Variants in OR2L3 observed in about 807,000 individuals in gnomAD.
The protein encoded by OR2L3 is olfactory receptor 2L3.
For missense variants in OR2L3, 369 were observed against 376.6 expected (o/e 0.98, Z 0.17); for synonymous variants, 131 against 139.1 (o/e 0.94, Z 0.41).
chr1:248,058,869 T>A (rs1010250288), intron 1 of OR2L3, among the ~76,000 whole-genome samples: 1 of 152,110 alleles, frequency 6.6e-6, no homozygotes, highest in African/African-American at 2.4e-5. Flanking sequence ...TTTTTCATAT[T>A]GTTGTTGCTT....
chr1:248,049,164 G>A (rs1345973540), intron 1 of OR2L3, among the ~76,000 whole-genome samples: 1 of 152,088 alleles, frequency 6.6e-6, no homozygotes, highest in Non-Finnish European at 1.5e-5. Flanking sequence ...CTGCACAGTC[G>A]TGAATAACTC....
chr1:248,061,322 C>T lies in OR2L3; in HGVS notation c.641C>T (p.Ser214Leu). The T allele has an allele frequency of 6.2e-7, 1 of 1,613,744 alleles. No individual in the cohort carries two copies. The highest frequency in any genetic ancestry group is 8.5e-7 in the Non-Finnish European group (1 of 1,179,980). Residue 214 changes from serine to leucine, a missense_variant, in exon 2 of 2, where the codon TCA (serine) becomes TTA (leucine). Ser to Leu is a moderately radical substitution (Grantham distance 145, BLOSUM62 -2). Coordinates refer to ENST00000359959, the MANE Select transcript of OR2L3 (RefSeq NM_001004687.2). ...CTCGTGTTTCCCTTCATTGCTATTT[C>T]ATGTTCCTATGGCCGGGTTCTCCTT... is the stretch of plus-strand genomic sequence containing the variant. ...IFLVFPFIAI[S>L]CSYGRVLLAV... is the part of the protein sequence containing the mutation.
At chr1:248,052,989 A>C (rs1663320149) in intron 1 of OR2L3, among the ~76,000 whole-genome samples, 1 of 151,980 alleles carries the variant, frequency 6.6e-6, no homozygotes, top group Non-Finnish European at 1.5e-5. Context: ...ATGTGCAGGA[A>C]GAGCAGTTTT....
intron 1 of OR2L3, among the ~76,000 whole-genome samples, chr1:248,050,559 A>G (rs73143322): frequency 0.04 from 6,081 of 152,136 alleles, 399 homozygotes; most frequent in African/African-American, 0.14. Context: ...CAGTCATAAA[A>G]CATGGCATTA....
At chr1:248,052,530 C>T (rs1663293645) in intron 1 of OR2L3, among the ~76,000 whole-genome samples, 1 of 152,034 alleles carries the variant, frequency 6.6e-6, no homozygotes, top group Admixed American at 6.6e-5. Flanking sequence ...AGGTTGAGGC[C>T]ATGCTGGCTA....
chr1:248,046,898 A>G lies in OR2L3; in HGVS notation c.-22+18A>G, dbSNP rs1663096377. On this transcript the variant is annotated intron_variant, in intron 1 of 1. Transcript: ENST00000359959. ...TAATAAAGGTACTAATTATAATTGT[A>G]TTTTTAAATTTTTATTGATTACAGG... 6.6e-6 allele frequency: 1 copy of G among 152,178 alleles called. No individual in the cohort carries two copies. The highest frequency in any genetic ancestry group is 1.5e-5 in the Non-Finnish European group (1 of 68,008). 9.4% of individuals were successfully genotyped at this position (152,178 alleles called of 1,614,324 possible).
At chr1:248,053,429 C>A (rs1295430962) in intron 1 of OR2L3, among the ~76,000 whole-genome samples, 1 of 152,148 alleles carries the variant, frequency 6.6e-6, no homozygotes, top group East Asian at 1.9e-4. Flanking sequence ...ATGCCAGTAC[C>A]TTTATAATAG....
intron 1 of OR2L3, among the ~76,000 whole-genome samples, chr1:248,049,497 A>C (rs374952231): frequency 6.6e-6 from 1 of 152,164 alleles, no homozygotes; most frequent in African/African-American, 2.4e-5. Flanking sequence ...CCAGTAGGGA[A>C]TCTTTTACAT....
At chr1:248,058,661 G>C (rs997776396) in intron 1 of OR2L3, among the ~76,000 whole-genome samples, 2 of 150,220 alleles carry the variant, frequency 1.3e-5, no homozygotes, top group Non-Finnish European at 3.0e-5. Flanking sequence ...TATTTTTCAG[G>C]AAAGTATTTC....
chr1:248,054,820 A>C (rs1014385005), intron 1 of OR2L3, among the ~76,000 whole-genome samples: 14 of 152,212 alleles, frequency 9.2e-5, no homozygotes, highest in African/African-American at 3.1e-4. Flanking sequence ...GAATTTGCTT[A>C]TCAGCTTAAG....
chr1:248,058,299 T>A (rs1310016419), intron 1 of OR2L3, among the ~76,000 whole-genome samples: 1 of 152,200 alleles, frequency 6.6e-6, no homozygotes, highest in Admixed American at 6.5e-5. Context: ...ATTCATCTGA[T>A]AATGCTTGAT....
At chr1:248,053,169 T>C (rs1311716040) in intron 1 of OR2L3, among the ~76,000 whole-genome samples, 2 of 152,278 alleles carry the variant, frequency 1.3e-5, no homozygotes, top group East Asian at 3.9e-4. Context: ...GTGTTTTCAT[T>C]GTTCAGCTCC....
intron 1 of OR2L3, among the ~76,000 whole-genome samples, chr1:248,059,032 G>A (rs974188065): frequency 3.3e-5 from 5 of 151,916 alleles, no homozygotes; most frequent in South Asian, 2.1e-4. Flanking sequence ...CACAGATTTC[G>A]TAACATATCA....
chr1:248,047,689 A>G (rs1350138431), intron 1 of OR2L3, among the ~76,000 whole-genome samples: 1 of 152,320 alleles, frequency 6.6e-6, no homozygotes, highest in East Asian at 1.9e-4. Context: ...CTTAACAACC[A>G]CACAGAGTTT....
intron 1 of OR2L3, among the ~76,000 whole-genome samples, chr1:248,051,393 TTGA>T (rs1663260970): frequency 6.6e-6 from 1 of 152,250 alleles, no homozygotes; most frequent in South Asian, 2.1e-4. Context: ...GATTTCTTTG[TTGA>T]TGACCACTTG....
chr1:248,054,138 G>T (rs560280815), intron 1 of OR2L3, among the ~76,000 whole-genome samples: 1 of 152,112 alleles, frequency 6.6e-6, no homozygotes, highest in Non-Finnish European at 1.5e-5. Context: ...TTTTGTGTAA[G>T]GTGTAAGGAA....
intron 1 of OR2L3, among the ~76,000 whole-genome samples, chr1:248,047,751 C>T (rs1342297484): frequency 6.6e-6 from 1 of 152,170 alleles, no homozygotes; most frequent in East Asian, 1.9e-4. Flanking sequence ...GGCTATATTA[C>T]TCTACAGTCA....
intron 1 of OR2L3, among the ~76,000 whole-genome samples, chr1:248,058,488 T>C (rs1010865949): frequency 6.6e-6 from 1 of 152,166 alleles, no homozygotes; most frequent in Admixed American, 6.6e-5. Flanking sequence ...TTATGGAATT[T>C]ATTGCTACAA....
intron 1 of OR2L3, among the ~76,000 whole-genome samples, chr1:248,050,276 T>G (rs1332631792): frequency 6.6e-6 from 1 of 151,388 alleles, no homozygotes; most frequent in East Asian, 1.9e-4. Context: ...AAAAAAAAAG[T>G]AAAAGCAAGT....
Sources: gnomAD v4.1 joint callset for allele counts (sites outside exome capture counted in the v4.1 genomes callset) on GRCh38, gnomAD v4.1.1 for gene constraint, MANE v1.5 for transcripts, NCBI Gene and HGNC (gene_info 2026-07-23, HGNC 2026-07-21) for gene names.